PTK6: variants seen among roughly 807,000 people sequenced by gnomAD.
PTK6 encodes the protein protein-tyrosine kinase 6.
A neutral mutation model predicts 47.5 loss-of-function variants in PTK6; 47 were observed. The ratio of observed to expected loss-of-function variants is 0.99; its 90% confidence interval spans 0.78 to 1.26. The LOEUF (loss-of-function observed/expected upper bound fraction) is 1.26. Ranked by LOEUF, PTK6 falls within the 50% of genes most tolerant of loss-of-function variation. The pLI is 0.00. For missense variants in PTK6, 618 were observed against 625.3 expected (o/e 0.99, Z 0.12); for synonymous variants, 287 against 276.5 (o/e 1.04, Z -0.38).
In PTK6 at chr20:63,532,641, C is replaced by G. The variant is rs545082053; in HGVS notation, c.717G>C (p.Met239Ile). The G allele has an allele frequency of 6.2e-7, 1 of 1,614,134 alleles. No homozygotes were observed. Among genetic ancestry groups the G allele is most frequent in the East Asian group, 2.2e-5 (1 of 44,890 alleles). ...GGATGTGTTTGTGCCGCAGCTTCTT[C>G]ATGGCCTGGATCTCCGACTGCAGCA... The part of the protein sequence containing the change: ...QQMLQSEIQA[M>I]KKLRHKHILA... Residue 239 changes from methionine (M) to isoleucine (I), a missense_variant, in exon 5 of 8, where the codon ATG (methionine) becomes ATC (isoleucine). Physicochemically the swap from Met to Ile is conservative, Grantham distance 10. Transcript: ENST00000542869.
At chr20:63,534,788 G>A (rs2145975679) in intron 2 of PTK6, 150 bp downstream of exon 2, 2 of 1,219,506 alleles carry the variant, frequency 1.6e-6, no homozygotes, top group Middle Eastern at 2.9e-4. Context: ...GGGAGGAGCG[G>A]GCCAGGTGGG....
Position 63,529,527 on chromosome 20 carries a change from C to A in PTK6, c.*9G>T. On this transcript the variant is annotated 3_prime_UTR_variant, in exon 8 of 8. Coordinates refer to ENST00000542869, the MANE Select transcript of PTK6 (RefSeq NM_005975.4). The surrounding 1 kb of genome is among the most constrained non-coding windows in gnomAD (Gnocchi z 5.6). ...CAGCAGGGCCCGGCCATGCCCGCTCCACAGCAGCTCAGGTCGGGTTCTCGT... is the reference window on the plus strand; with the variant it reads ...CAGCAGGGCCCGGCCATGCCCGCTCAACAGCAGCTCAGGTCGGGTTCTCGT... The A allele has an allele frequency of 6.4e-7, 1 of 1,556,420 alleles. No individual in the cohort carries two copies. Among genetic ancestry groups the A allele is most frequent in the Admixed American group, 2.0e-5 (1 of 51,222 alleles).
chr20:63,537,364 C>A lies in PTK6; in HGVS notation c.-50G>T. Reference sequence around the variant, plus strand: ...CAGGCTGTGGCCCAGCTGGAGCACCCAGAGCTGGGCGTGGCAGGCGGGCCG... The same window carrying A: ...CAGGCTGTGGCCCAGCTGGAGCACCAAGAGCTGGGCGTGGCAGGCGGGCCG... On this transcript the variant is annotated 5_prime_UTR_variant, in exon 1 of 8. Coordinates refer to ENST00000542869, the MANE Select transcript of PTK6 (RefSeq NM_005975.4). 1 of 1,472,326 alleles carries A rather than the reference C, an allele frequency of 6.8e-7. No homozygotes were observed. The highest frequency in any genetic ancestry group is 1.2e-5 in the South Asian group (1 of 84,128). 91.2% of individuals were successfully genotyped at this position (1,472,326 alleles called of 1,614,324 possible). A position where few individuals can be genotyped will look rare whatever the true frequency, so the allele number is the denominator to read the frequency against.
chr20:63,532,427 C>T, intron 5 of PTK6, 99 bp downstream of exon 5: 1 of 1,394,820 alleles, frequency 7.2e-7, no homozygotes, highest in Non-Finnish European at 9.7e-7. Flanking sequence ...GTCTGTGTGT[C>T]TACGTGTGTG....
Position 63,530,907 on chromosome 20 carries a change from G to C in PTK6, c.853C>G (p.Pro285Ala), listed in dbSNP as rs747527417. Residue 285 changes from proline (P) to alanine (A), a missense_variant, in exon 6 of 8, where the codon CCC becomes GCC. By Grantham distance (27) the Pro-to-Ala change is conservative. Coordinates refer to ENST00000542869, the MANE Select transcript of PTK6 (RefSeq NM_005975.4). The surrounding 1 kb of genome is among the most constrained non-coding windows in gnomAD (Gnocchi z 4.1). Reference protein sequence around the residue: ...LLRDSDEKVLPVSELLDIAWQ... With the variant: ...LLRDSDEKVLAVSELLDIAWQ... ...GCGATGTCCAGCAGCTCCGAAACGGGCAGGACTTTCTCATCAGAGTCTGCA... is the reference window on the plus strand; with the variant it reads ...GCGATGTCCAGCAGCTCCGAAACGGCCAGGACTTTCTCATCAGAGTCTGCA... The C allele has an allele frequency of 6.2e-7, 1 of 1,611,924 alleles. No homozygotes were observed. Among genetic ancestry groups the C allele is most frequent in the East Asian group, 2.2e-5 (1 of 44,798 alleles).
rs1454522565 is a variant in PTK6 at position 63,535,078 on chromosome 20, A to T, written c.231-19T>A. ...GAACCACCTGCAGGGGAGGAGTCTG[A>T]GAACACGCGGACCTGGGCCCACCCC... is the stretch of plus-strand genomic sequence containing the variant. On this transcript the variant is annotated intron_variant, in intron 1 of 7. Coordinates refer to ENST00000542869, the MANE Select transcript of PTK6 (RefSeq NM_005975.4). The T allele has an allele frequency of 1.3e-6, 2 of 1,582,942 alleles. No individual in the cohort carries two copies. Among genetic ancestry groups the T allele is most frequent in the African/African-American group, 1.3e-5 (1 of 74,536 alleles).
Position 63,529,726 on chromosome 20 carries a change from G to A in PTK6, c.1169-3C>T. 4 of 1,537,690 alleles carry A rather than the reference G, an allele frequency of 2.6e-6. No individual in the cohort carries two copies. The highest frequency in any genetic ancestry group is 1.2e-5 in the South Asian group (1 of 82,498). On this transcript the variant is annotated splice_polypyrimidine_tract_variant and splice_region_variant and intron_variant, in intron 7 of 7. Coordinates refer to ENST00000542869, the MANE Select transcript of PTK6 (RefSeq NM_005975.4). This position sits in a 1 kb window ranked among gnomAD's most constrained non-coding sequence, Gnocchi z 5.6. ...GAAGGCCTCATGGTTGGACATGCCT[G>A]CGGCCGACAGGGATGAGAAGAGCTG...
intron 1 of PTK6, among the ~76,000 whole-genome samples, chr20:63,535,283 G>A (rs6011885): frequency 0.13 from 20,044 of 152,224 alleles, 4,203 homozygotes; most frequent in African/African-American, 0.45. Flanking sequence ...AGGGGCAGGC[G>A]CTACCACACC....
chr20:63,532,612 G>A lies in PTK6; in HGVS notation c.746C>T (p.Ala249Val), dbSNP rs775435329. The A allele has an allele frequency of 2.7e-5, 43 of 1,614,004 alleles. No individual in the cohort carries two copies. The highest frequency in any genetic ancestry group is 5.5e-5 in the South Asian group (5 of 91,094). The stretch of plus-strand genomic sequence containing the variant: ...CCCCACGGACACCACGGCGTACAGC[G>A]CCAGGATGTGTTTGTGCCGCAGCTT... The part of the protein sequence containing the change: ...MKKLRHKHIL[A>V]LYAVVSVGDP... The change falls in exon 5 of 8, where the codon GCG becomes GTG. Residue 249 changes from alanine (A) to valine (V), a missense_variant. By Grantham distance (64) the Ala-to-Val change is moderately conservative (BLOSUM62 0). Coordinates refer to ENST00000542869, the MANE Select transcript of PTK6 (RefSeq NM_005975.4).
At chr20:63,535,491 CCA>C (rs921022479) in intron 1 of PTK6, among the ~76,000 whole-genome samples, 9 of 152,022 alleles carry the variant, frequency 5.9e-5, no homozygotes, top group South Asian at 2.1e-4. Context: ...GCTCACTTGC[CCA>C]CACGCTCACA....
chr20:63,529,455 G>T lies in PTK6; in HGVS notation c.*81C>A. The T allele has an allele frequency of 7.2e-7, 1 of 1,390,930 alleles. No individual in the cohort carries two copies. Among genetic ancestry groups the T allele is most frequent in the Non-Finnish European group, 9.5e-7 (1 of 1,050,108 alleles). The allele number at this position is 1,390,930 out of a possible 1,614,324, so 86.2% of individuals were successfully genotyped here. ...TCACCTCAGTAAACCCCAGGGAAGC[G>T]CGTGGGCCTTGATCCCAGGTCCAGG... On this transcript the variant is annotated 3_prime_UTR_variant, in exon 8 of 8. Transcript: ENST00000542869. The surrounding 1 kb of genome is among the most constrained non-coding windows in gnomAD (Gnocchi z 5.6).
chr20:63,530,061 G>T lies in PTK6; in HGVS notation c.1168+17C>A. The T allele has an allele frequency of 6.2e-7, 1 of 1,612,900 alleles. No individual in the cohort carries two copies. The highest frequency in any genetic ancestry group is 8.5e-7 in the Non-Finnish European group (1 of 1,179,582). On this transcript the variant is annotated intron_variant, in intron 7 of 7. Transcript: ENST00000542869. The surrounding 1 kb of genome is among the most constrained non-coding windows in gnomAD (Gnocchi z 4.1). ...ACTCTGCCTCTCATGCCCAGTCAGG[G>T]ACAGTGGGGACAGTACCTGGGTAGG...
chr20:63,529,898 A>C lies in PTK6; in HGVS notation c.1169-175T>G, dbSNP rs1403897167. 3 of 1,068,176 alleles carry C rather than the reference A, an allele frequency of 2.8e-6. No individual in the cohort carries two copies. In the Admixed American group the frequency reaches 8.3e-5, roughly 30 times the overall value. 66.2% of individuals were successfully genotyped at this position (1,068,176 alleles called of 1,614,324 possible). A position where few individuals can be genotyped will look rare whatever the true frequency, so the allele number is the denominator to read the frequency against. ...ACACCTCCCTCTGGACAGGGCTCCA[A>C]CAGGCAGCTCCAGGCACCAGCCTGG... On this transcript the variant is annotated intron_variant, in intron 7 of 7. Coordinates refer to ENST00000542869, the MANE Select transcript of PTK6 (RefSeq NM_005975.4). The surrounding 1 kb of genome is among the most constrained non-coding windows in gnomAD (Gnocchi z 5.6).
chr20:63,536,513 C>G (rs567724584), intron 1 of PTK6, among the ~76,000 whole-genome samples: 1 of 151,750 alleles, frequency 6.6e-6, no homozygotes, highest in Admixed American at 6.6e-5. Context: ...ATCTCAGGAG[C>G]GTGACCCTCC....
rs905155349 is a variant in PTK6 at position 63,534,683 on chromosome 20, G to A, written c.352+255C>T. Among the ~76,000 whole-genome samples the A allele has an allele frequency of 1.6e-4, 24 of 152,164 alleles. 1 individual carries two copies. In the East Asian group the frequency reaches 4.3e-3, roughly 27 times the overall value. ...CCCATGGGTGCTGAGGACCTCCCAC[G>A]AGTGCCTCGGGCAGGGCTGGCTGGA... On this transcript the variant is annotated intron_variant, in intron 2 of 7. Transcript: ENST00000542869.
intron 1 of PTK6, among the ~76,000 whole-genome samples, chr20:63,535,773 C>CT (rs1162382182): frequency 2.7e-5 from 3 of 110,302 alleles, no homozygotes; most frequent in Admixed American, 2.5e-4. Context: ...CGCCCCCCCC[C>CT]TCACCTGGCC....
Position 63,532,632 on chromosome 20 carries a change from C to T in PTK6, c.726G>A (p.Leu242=), listed in dbSNP as rs144458211. Residue 242 remains leucine (L), a synonymous_variant, in exon 5 of 8, where the codon CTG becomes CTA. Transcript: ENST00000542869. The part of the protein sequence containing the change: ...LQSEIQAMKK[L]RHKHILALYA... Reference sequence around the variant, plus strand: ...ACAGCGCCAGGATGTGTTTGTGCCGCAGCTTCTTCATGGCCTGGATCTCCG... The same window carrying T: ...ACAGCGCCAGGATGTGTTTGTGCCGTAGCTTCTTCATGGCCTGGATCTCCG... The T allele has an allele frequency of 3.5e-5, 57 of 1,614,124 alleles. No individual in the cohort carries two copies. In the African/African-American group the frequency reaches 6.4e-4, roughly 18 times the overall value.
At chr20:63,537,000 C>T (rs192878186) in intron 1 of PTK6, 85 bp downstream of exon 1, 1 of 1,396,054 alleles carries the variant, frequency 7.2e-7, no homozygotes, top group Admixed American at 2.5e-5. Context: ...CTTCTTGGGC[C>T]TCCCTGAGCA....
intron 5 of PTK6, 92 bp from the exon 6 acceptor site, chr20:63,531,019 C>A (rs1197957358): frequency 1.6e-6 from 2 of 1,234,176 alleles, no homozygotes; most frequent in East Asian, 2.7e-5. Flanking sequence ...CATCTGCCTC[C>A]AAGCTCTGCG....
Sources: allele counts gnomAD v4.1 joint callset (sites outside exome capture counted in the v4.1 genomes callset), GRCh38; gene constraint gnomAD v4.1.1; non-coding constraint Gnocchi (gnomAD v3.1); transcripts MANE v1.5; gene names NCBI Gene and HGNC (gene_info 2026-07-23, HGNC 2026-07-21).